LINGO2: variants seen among roughly 807,000 people sequenced by gnomAD.
LINGO2 encodes the protein leucine rich repeat and Ig domain containing 2.
In LINGO2, 14 loss-of-function variants were observed where a neutral mutation model predicts 30.6. The observed-to-expected ratio is 0.46, with a 90% confidence interval of 0.30 to 0.72. LINGO2 has a LOEUF of 0.72. LINGO2 is among the 30% of genes least tolerant of loss of function. The pLI, the probability that LINGO2 is intolerant of heterozygous loss-of-function variation, is 0.07. For missense variants in LINGO2, 729 were observed against 751.7 expected, an observed-to-expected ratio of 0.97 and a Z score of 0.35; for synonymous variants, 317 against 288.5, an observed-to-expected ratio of 1.10 and a Z score of -1.00.
the LINGO2 span, among the ~76,000 whole-genome samples, chr9:28,822,325 T>C: frequency 6.6e-6 from 1 of 152,218 alleles, no homozygotes; most frequent in Non-Finnish European, 1.5e-5. Context: ...GAAGAGGACA[T>C]GCTAAACTGA....
the LINGO2 span, among the ~76,000 whole-genome samples, chr9:28,834,021 C>CTTTTTTT: frequency 7.0e-6 from 1 of 143,664 alleles, no homozygotes; most frequent in Non-Finnish European, 1.5e-5. Context: ...TTTCTTGTTT[C>CTTTTTTT]TTTTTTTTTT....
chr9:28,437,368 A>G (rs1004896908), intron 2 of LINGO2, among the ~76,000 whole-genome samples: 1 of 152,114 alleles, frequency 6.6e-6, no homozygotes, highest in Non-Finnish European at 1.5e-5. Context: ...CTGACTGAGA[A>G]TTATGTCATG....
the LINGO2 span, among the ~76,000 whole-genome samples, chr9:29,142,423 G>C: frequency 6.6e-6 from 1 of 151,710 alleles, no homozygotes. Context: ...TTTATATTGA[G>C]AAGTTTTTAT....
the LINGO2 span, among the ~76,000 whole-genome samples, chr9:28,689,097 T>C: frequency 3.9e-5 from 6 of 152,332 alleles, no homozygotes. Flanking sequence ...TGTAATACAG[T>C]TGCTCTAGTC....
At chr9:28,350,122 AT>A (rs1455617118) in intron 3 of LINGO2, among the ~76,000 whole-genome samples, 1 of 150,258 alleles carries the variant, frequency 6.7e-6, no homozygotes, top group Non-Finnish European at 1.5e-5. Context: ...TAACATCATA[AT>A]GACAGGATCA....
chr9:28,210,740 C>T (rs941457211), intron 4 of LINGO2, among the ~76,000 whole-genome samples: 1 of 151,536 alleles, frequency 6.6e-6, no homozygotes, highest in African/African-American at 2.4e-5. Flanking sequence ...GACTCACATC[C>T]ATGTTCCTGA....
chr9:28,525,168 A>G (rs1246886185), intron 1 of LINGO2, among the ~76,000 whole-genome samples: 2 of 152,212 alleles, frequency 1.3e-5, no homozygotes, highest in East Asian at 1.9e-4. Context: ...ATAACACTTC[A>G]CTTCTACTAG....
the LINGO2 span, among the ~76,000 whole-genome samples, chr9:28,768,053 T>C: frequency 6.6e-6 from 1 of 152,202 alleles, no homozygotes; most frequent in South Asian, 2.1e-4. Context: ...GGTATTTTAA[T>C]TGTACCATAT....
chr9:28,853,542 C>G, the LINGO2 span, among the ~76,000 whole-genome samples: 5 of 151,974 alleles, frequency 3.3e-5, no homozygotes, highest in African/African-American at 7.3e-5. Flanking sequence ...GTAGTTCATT[C>G]TCACATTGGT....
chr9:28,507,018 A>C (rs1587774772), intron 1 of LINGO2, among the ~76,000 whole-genome samples: 1 of 152,094 alleles, frequency 6.6e-6, no homozygotes, highest in East Asian at 1.9e-4. Flanking sequence ...GAATTAAACA[A>C]AAAGTTTGAA....
intron 3 of LINGO2, among the ~76,000 whole-genome samples, chr9:28,307,762 G>C (rs932312267): frequency 2.9e-4 from 44 of 152,060 alleles, no homozygotes; most frequent in African/African-American, 5.3e-4. Context: ...GTACAAAAAT[G>C]ACAAGCATTC....
At chr9:28,874,044 T>A in the LINGO2 span, among the ~76,000 whole-genome samples, 1 of 152,064 alleles carries the variant, frequency 6.6e-6, no homozygotes, top group East Asian at 1.9e-4. Flanking sequence ...GGAAATTGCT[T>A]GACTTAAACA....
the LINGO2 span, among the ~76,000 whole-genome samples, chr9:28,772,492 C>T: frequency 6.6e-6 from 1 of 152,144 alleles, no homozygotes; most frequent in Non-Finnish European, 1.5e-5. Flanking sequence ...CACGAATAAC[C>T]AGTAAAATGA....
the LINGO2 span, among the ~76,000 whole-genome samples, chr9:29,107,957 A>G: frequency 6.6e-6 from 1 of 152,214 alleles, no homozygotes; most frequent in South Asian, 2.1e-4. Flanking sequence ...TTGAAAAGAT[A>G]CATTAGAGCT....
chr9:28,286,095 C>T (rs1235052563), intron 4 of LINGO2, among the ~76,000 whole-genome samples: 1 of 152,172 alleles, frequency 6.6e-6, no homozygotes, highest in East Asian at 1.9e-4. Flanking sequence ...ACTACAAGGG[C>T]ATGATTATAT....
rs763284293 is a variant in LINGO2, at chr9:27,981,534, C to CAAAAAAA, written c.-36+30814_-36+30820dup. The stretch of plus-strand genomic sequence containing the variant: ...ATGAAAGGATAAATGACGAGGATGG[C>CAAAAAAA]AAAAAAAAAAAAAAAAGAAAAAAAA... On this transcript the variant is annotated intron_variant, in intron 5 of 5. Coordinates refer to ENST00000379992, the Ensembl canonical transcript of LINGO2. Among the ~76,000 whole-genome samples, 163 of 39,798 alleles carry CAAAAAAA rather than the reference C, an allele frequency of 4.1e-3. 2 individuals are homozygous for CAAAAAAA. Among genetic ancestry groups the CAAAAAAA allele is most frequent in the African/African-American group, 8.2e-3 (97 of 11,808 alleles). 26.1% of individuals were successfully genotyped at this position (39,798 alleles called of 152,430 possible).
intron 1 of LINGO2, among the ~76,000 whole-genome samples, chr9:28,481,041 A>G (rs1485528762): frequency 6.6e-6 from 1 of 151,540 alleles, no homozygotes; most frequent in Non-Finnish European, 1.5e-5. Context: ...ACTCATTATC[A>G]AAAGATTTCT....
At chr9:28,032,042 G>C (rs74894939) in intron 4 of LINGO2, among the ~76,000 whole-genome samples, 1,719 of 97,220 alleles carry the variant, frequency 0.018, 38 homozygotes, top group African/African-American at 0.072. Context: ...AATGAGGGGT[G>C]GGGGGGGAAA....
At chr9:28,507,640 A>G (rs1325644087) in intron 1 of LINGO2, among the ~76,000 whole-genome samples, 1 of 152,158 alleles carries the variant, frequency 6.6e-6, no homozygotes, top group Admixed American at 6.6e-5. Context: ...TTAAATCAAT[A>G]CATACACGCC....
Sources: allele counts gnomAD v4.1 joint callset (sites outside exome capture counted in the v4.1 genomes callset), GRCh38; gene constraint gnomAD v4.1.1; transcripts MANE v1.5; gene names NCBI Gene and HGNC (gene_info 2026-07-23, HGNC 2026-07-21).